The following NCAN variants were observed in gnomAD, a reference collection of about 807,000 sequenced individuals.
NCAN encodes neurocan, also known as neurocan core protein.
A neutral mutation model predicts 121.8 loss-of-function variants in NCAN; 47 were observed. That is an observed-to-expected ratio of 0.39 (90% confidence interval 0.31 to 0.49). The LOEUF (loss-of-function observed/expected upper bound fraction) is 0.49, where lower values mean the gene tolerates loss of function less well. Ranked by LOEUF, NCAN falls within the 20% of genes least tolerant of loss-of-function variation. The probability of loss-of-function intolerance (pLI) is 0.92; values close to 1 mark genes in which losing one functional copy is unlikely to be tolerated. For synonymous variants in NCAN, 633 were observed against 702.0 expected (o/e 0.90, Z 1.55); for missense variants, 1,517 against 1,773.4 (o/e 0.86, Z 2.60).
intron 10 of NCAN, 124 bp from the exon 11 acceptor site, chr19:19,238,129 A>T (rs2060888634): frequency 1.6e-6 from 2 of 1,217,184 alleles, no homozygotes; most frequent in Admixed American, 1.8e-5. Flanking sequence ...GCATGGGGAG[A>T]GGGGTGATTT....
intron 12 of NCAN, among the ~76,000 whole-genome samples, chr19:19,243,515 C>CAAAAAAA (rs781710638): frequency 4.0e-4 from 17 of 42,484 alleles, no homozygotes; most frequent in Admixed American, 5.3e-4. Context: ...GACTCCATCT[C>CAAAAAAA]AAAAAAAAAA....
chr19:19,233,632 T>C (rs2060869754), intron 8 of NCAN, among the ~76,000 whole-genome samples, 157 bp from the exon 9 acceptor site: 1 of 152,070 alleles, frequency 6.6e-6, no homozygotes, highest in Non-Finnish European at 1.5e-5. Context: ...ACAGGGGTCA[T>C]ATGGGAGGGA....
chr19:19,249,188 A>T (rs2060937402), intron 14 of NCAN, among the ~76,000 whole-genome samples: 1 of 151,894 alleles, frequency 6.6e-6, no homozygotes, highest in Admixed American at 6.6e-5. Context: ...CTTGTGTCTC[A>T]GCCTCCTGAG....
intron 3 of NCAN, among the ~76,000 whole-genome samples, chr19:19,220,091 C>G (rs2060811039): frequency 6.6e-6 from 1 of 151,992 alleles, no homozygotes; most frequent in South Asian, 2.1e-4. Flanking sequence ...TCTTTTTTAG[C>G]TATGAGAGAG....
At position 19,219,093 on chromosome 19, in the gene NCAN, G is replaced by A. The variant is rs140470956; in HGVS notation, c.252G>A (p.Ala84=). 67 of 1,612,432 alleles carry A rather than the reference G, an allele frequency of 4.2e-5. No individual in the cohort carries two copies. The highest frequency in any genetic ancestry group is 5.5e-5 in the South Asian group (5 of 90,860). ...PRIKWTKVRT[A]SGQRQDLPIL... is the part of the protein sequence containing the mutation. The stretch of plus-strand genomic sequence containing the variant: ...TAAAGTGGACCAAGGTGCGGACTGC[G>A]TCGGGCCAGCGACAGGACTTGCCCA... The change falls in exon 3 of 15, where the codon GCG becomes GCA. Residue 84 remains alanine, a synonymous_variant. Coordinates refer to ENST00000252575, the MANE Select transcript of NCAN (RefSeq NM_004386.3).
chr19:19,229,006 A>C (rs2060848617), intron 8 of NCAN, among the ~76,000 whole-genome samples: 1 of 152,234 alleles, frequency 6.6e-6, no homozygotes, highest in Non-Finnish European at 1.5e-5. Flanking sequence ...TCAGGAGTTC[A>C]AGACCAGCCT....
chr19:19,215,662 T>C (rs1271492613), intron 1 of NCAN, among the ~76,000 whole-genome samples: 2 of 152,058 alleles, frequency 1.3e-5, no homozygotes, highest in African/African-American at 2.4e-5. Context: ...TCCTCCAAAA[T>C]CCCAGAAACC....
At chr19:19,238,799 T>A (rs888777763) in intron 11 of NCAN, 3 of 324,234 alleles carry the variant, frequency 9.3e-6, no homozygotes, top group African/African-American at 2.2e-5. Flanking sequence ...ATTCAACAGA[T>A]CCTATGTGTG....
intron 12 of NCAN, among the ~76,000 whole-genome samples, chr19:19,240,994 C>G (rs900533237): frequency 1.3e-5 from 2 of 152,186 alleles, no homozygotes; most frequent in Non-Finnish European, 2.9e-5. Context: ...TCATTTCTAG[C>G]CTGGGCATGA....
intron 13 of NCAN, among the ~76,000 whole-genome samples, chr19:19,248,441 T>A (rs2060933772): frequency 6.6e-6 from 1 of 151,570 alleles, no homozygotes; most frequent in African/African-American, 2.4e-5. Flanking sequence ...TGAGACCCTG[T>A]CTCAAAAAAG....
Position 19,250,016 on chromosome 19 carries a change from A to C in NCAN, c.*105A>C. ...AAACAAGAGAGTCCAGAAGTCCCTG[A>C]ACCCCAAACCACATCCCCCACACAC... On this transcript the variant is annotated 3_prime_UTR_variant, in exon 15 of 15. Coordinates refer to ENST00000252575, the MANE Select transcript of NCAN (RefSeq NM_004386.3). 8.4e-7 allele frequency: 1 copy of C among 1,183,552 alleles called. No individual in the cohort carries two copies. The highest frequency in any genetic ancestry group is 1.2e-6 in the Non-Finnish European group (1 of 813,566). 73.3% of individuals were successfully genotyped at this position (1,183,552 alleles called of 1,614,324 possible). A position where few individuals can be genotyped will look rare whatever the true frequency, so the allele number is the denominator to read the frequency against.
intron 13 of NCAN, among the ~76,000 whole-genome samples, chr19:19,246,500 T>C (rs1349749000): frequency 6.6e-6 from 1 of 152,146 alleles, no homozygotes; most frequent in Non-Finnish European, 1.5e-5. Flanking sequence ...GTTATCTTAG[T>C]TTGCATGCCT....
At chr19:19,243,997 C>T (rs1166510992) in intron 12 of NCAN, among the ~76,000 whole-genome samples, 2 of 152,188 alleles carry the variant, frequency 1.3e-5, no homozygotes, top group African/African-American at 4.8e-5. Flanking sequence ...CACCACTACA[C>T]TCCAGCCTGG....
intron 6 of NCAN, among the ~76,000 whole-genome samples, chr19:19,226,055 G>A (rs1035998372): frequency 4.6e-5 from 7 of 152,122 alleles, no homozygotes; most frequent in African/African-American, 1.7e-4. Flanking sequence ...TCAGCCTTCG[G>A]AGTAGCTGGG....
At position 19,227,479 on chromosome 19, in the gene NCAN, A is replaced by T. The variant is rs745717935; in HGVS notation, c.1859A>T (p.Glu620Val). 1 of 1,613,186 alleles carries T rather than the reference A, an allele frequency of 6.2e-7. No homozygotes were observed. Among genetic ancestry groups the T allele is most frequent in the East Asian group, 2.2e-5 (1 of 44,860 alleles). ...TCAGCTCCCAGCCCTGCCCCCTGGG[A>T]GGCATTCCCTGTGGCCACCTCCCCA... ...TVSAPSPAPWEAFPVATSPDL... is the reference protein window; with the variant it reads ...TVSAPSPAPWVAFPVATSPDL... Residue 620 changes from glutamate (E) to valine (V), a missense_variant, in exon 8 of 15, where the codon GAG (glutamate) becomes GTG (valine). Coordinates refer to ENST00000252575, the MANE Select transcript of NCAN (RefSeq NM_004386.3). The surrounding 1 kb of genome is among the most constrained non-coding windows in gnomAD (Gnocchi z 4.2).
At chr19:19,245,496 T>G in intron 13 of NCAN, 39 bp downstream of exon 13, 2 of 1,600,840 alleles carry the variant, frequency 1.2e-6, no homozygotes, top group Non-Finnish European at 1.7e-6. Context: ...CTCTGTCACT[T>G]TTGCTCACTG....
chr19:19,221,018 A>G (rs2071672685), intron 3 of NCAN, among the ~76,000 whole-genome samples: 1 of 152,098 alleles, frequency 6.6e-6, no homozygotes, highest in African/African-American at 2.4e-5. Context: ...GAATCACTTA[A>G]GCTCAGGAGT....
In NCAN at chr19:19,235,068, C is replaced by T. The variant is rs762678126; in HGVS notation, c.3222C>T (p.Pro1074=). ...ATGGCTTTGTCTGCCTTTGCCTCCCCAGCTATGGGGGCAGCTTTTGTGAGA... is the reference window on the plus strand; with the variant it reads ...ATGGCTTTGTCTGCCTTTGCCTCCCTAGCTATGGGGGCAGCTTTTGTGAGA... ...EVNGFVCLCL[P]SYGGSFCEKD... is the part of the protein sequence containing the mutation. The change falls in exon 10 of 15, where the codon CCC becomes CCT. Residue 1074 remains proline, a synonymous_variant. Coordinates refer to ENST00000252575, the MANE Select transcript of NCAN (RefSeq NM_004386.3). The T allele has an allele frequency of 8.4e-5, 136 of 1,612,644 alleles. No homozygotes were observed. Among genetic ancestry groups the T allele is most frequent in the Non-Finnish European group, 1.1e-4 (129 of 1,179,058 alleles).
intron 1 of NCAN, among the ~76,000 whole-genome samples, chr19:19,213,516 GGGC>G (rs1326966118): frequency 5.5e-5 from 8 of 144,304 alleles, no homozygotes; most frequent in South Asian, 2.5e-4. Context: ...GGGGGGGGGG[GGGC>G]CCGAGACTGT....
Sources: allele counts gnomAD v4.1 joint callset (sites outside exome capture counted in the v4.1 genomes callset), GRCh38; gene constraint gnomAD v4.1.1; non-coding constraint Gnocchi (gnomAD v3.1); transcripts MANE v1.5; gene names NCBI Gene and HGNC (gene_info 2026-07-23, HGNC 2026-07-21).